HPSE2: variants seen among roughly 807,000 people sequenced by gnomAD.
HPSE2 encodes the protein heparanase 2 (inactive), also known as inactive heparanase-2.
HPSE2 carries 38 observed loss-of-function variants against 60.5 expected under a neutral mutation model. The observed-to-expected ratio is 0.63, with a 90% CI of 0.48 to 0.82. HPSE2 has a LOEUF of 0.82. HPSE2 is among the 40% of genes least tolerant of loss of function. The pLI is 0.00. For missense variants in HPSE2, 713 were observed against 740.4 expected (o/e 0.96, Z 0.43); for synonymous variants, 295 against 293.2 (o/e 1.01, Z -0.06).
At chr10:99,045,086 A>G (rs1409037209) in intron 3 of HPSE2, among the ~76,000 whole-genome samples, 1 of 152,188 alleles carries the variant, frequency 6.6e-6, no homozygotes, top group Non-Finnish European at 1.5e-5. Context: ...CACACAGAAC[A>G]TATTCTAAGA....
chr10:98,622,725 C>T (rs1490456222), intron 7 of HPSE2, among the ~76,000 whole-genome samples: 1 of 152,048 alleles, frequency 6.6e-6, no homozygotes, highest in Non-Finnish European at 1.5e-5. Context: ...TGAGAATTAA[C>T]GGTGGTGGTC....
chr10:99,167,176 A>C (rs1282906587), intron 2 of HPSE2, among the ~76,000 whole-genome samples: 1 of 151,902 alleles, frequency 6.6e-6, no homozygotes, highest in African/African-American at 2.4e-5. Context: ...ACACCTGGCT[A>C]ATTTTTGTAT....
At chr10:98,989,016 G>A (rs1230678864) in intron 3 of HPSE2, among the ~76,000 whole-genome samples, 3 of 150,550 alleles carry the variant, frequency 2.0e-5, no homozygotes, top group Non-Finnish European at 4.4e-5. Flanking sequence ...GAGAGGATGT[G>A]GAGAAATAGG....
the HPSE2 span, among the ~76,000 whole-genome samples, chr10:99,313,701 G>A: frequency 1.4e-5 from 2 of 140,272 alleles, no homozygotes; most frequent in East Asian, 4.5e-4. Flanking sequence ...CCGGGTTCAA[G>A]TGATTCTCCT....
At chr10:98,638,217 G>A (rs907180151) in intron 7 of HPSE2, among the ~76,000 whole-genome samples, 13 of 151,008 alleles carry the variant, frequency 8.6e-5, no homozygotes, top group Admixed American at 3.3e-4. Flanking sequence ...AGGCTGAGGC[G>A]GGCAGATGAC....
intron 3 of HPSE2, among the ~76,000 whole-genome samples, chr10:99,098,001 G>A (rs7476183): frequency 0.49 from 74,647 of 151,932 alleles, 20,788 homozygotes; most frequent in East Asian, 0.65. Context: ...TATACTTCCC[G>A]CTGAGGGTCT....
chr10:98,825,569 C>T (rs992236481), intron 3 of HPSE2, among the ~76,000 whole-genome samples: 4 of 138,266 alleles, frequency 2.9e-5, no homozygotes, highest in Non-Finnish European at 6.0e-5. Flanking sequence ...CCTTCTCTGA[C>T]ACACTGGTGC....
chr10:99,006,138 C>T (rs1956887339), intron 3 of HPSE2, among the ~76,000 whole-genome samples: 1 of 152,020 alleles, frequency 6.6e-6, no homozygotes. Context: ...GAGCCCAAGT[C>T]TGCAGGGGTC....
At chr10:98,769,347 T>C (rs898998897) in intron 3 of HPSE2, among the ~76,000 whole-genome samples, 14 of 151,748 alleles carry the variant, frequency 9.2e-5, no homozygotes, top group Admixed American at 9.2e-4. Context: ...GAGGTGGGAG[T>C]TGGGGGATGA....
In HPSE2 at chr10:98,938,840, G is replaced by A. The variant is rs1954895612; in HGVS notation, c.611-194784C>T. On this transcript the variant is annotated intron_variant, in intron 3 of 11. Coordinates refer to ENST00000370552, the MANE Select transcript of HPSE2 (RefSeq NM_021828.5). ...ATGTTAAGGGCAGACAGAGAGAAAGGTCAGGTTACCCACAAAGGGAAGTCC... is the reference window on the plus strand; with the variant it reads ...ATGTTAAGGGCAGACAGAGAGAAAGATCAGGTTACCCACAAAGGGAAGTCC... Among the ~76,000 whole-genome samples the A allele has an allele frequency of 3.5e-5, 5 of 143,948 alleles. No homozygotes were observed. The South Asian group carries it at 1.1e-3, about 31-fold the overall frequency. The allele number at this position is 143,948 out of a possible 152,430, so 94.4% of individuals were successfully genotyped here.
chr10:99,314,319 T>C, the HPSE2 span, among the ~76,000 whole-genome samples: 4 of 151,976 alleles, frequency 2.6e-5, no homozygotes, highest in African/African-American at 9.7e-5. Context: ...CAGGCCACCA[T>C]GCCCGGCTGA....
At chr10:99,170,890 C>G (rs2133801650) in intron 2 of HPSE2, among the ~76,000 whole-genome samples, 1 of 152,262 alleles carries the variant, frequency 6.6e-6, no homozygotes, top group South Asian at 2.1e-4. Flanking sequence ...CAGACTTTTT[C>G]TTGTCATTAT....
chr10:99,097,825 T>C (rs1843773495), intron 3 of HPSE2, among the ~76,000 whole-genome samples: 1 of 152,202 alleles, frequency 6.6e-6, no homozygotes, highest in East Asian at 1.9e-4. Context: ...AATTGAATAA[T>C]ATGTCCAAAA....
At chr10:99,129,241 C>A (rs145774273) in intron 3 of HPSE2, among the ~76,000 whole-genome samples, 1 of 152,090 alleles carries the variant, frequency 6.6e-6, no homozygotes, top group Non-Finnish European at 1.5e-5. Context: ...TACAGAAAGA[C>A]AACAAAGAAA....
intron 11 of HPSE2, among the ~76,000 whole-genome samples, chr10:98,467,545 T>C (rs112106885): frequency 4.9e-4 from 74 of 152,264 alleles, no homozygotes; most frequent in African/African-American, 1.7e-3. Flanking sequence ...TAAGTCCGAC[T>C]GTGTGTTTGT....
chr10:99,102,208 A>G (rs964286676), intron 3 of HPSE2, among the ~76,000 whole-genome samples: 1 of 152,150 alleles, frequency 6.6e-6, no homozygotes, highest in African/African-American at 2.4e-5. Context: ...TTTTTTGAAA[A>G]GATCAACAAA....
chr10:98,917,860 C>A (rs1290846990), intron 3 of HPSE2, among the ~76,000 whole-genome samples: 3 of 152,144 alleles, frequency 2.0e-5, no homozygotes, highest in Admixed American at 6.5e-5. Context: ...GATGGCAATG[C>A]CTGTAGGGAA....
intron 10 of HPSE2, among the ~76,000 whole-genome samples, chr10:98,488,359 C>T (rs574609243): frequency 1.0e-3 from 158 of 152,300 alleles, no homozygotes; most frequent in African/African-American, 3.7e-3. Flanking sequence ...CATTCATTTG[C>T]AAACCTTTCC....
At chr10:98,937,408 T>TA (rs1380879832) in intron 3 of HPSE2, among the ~76,000 whole-genome samples, 5 of 144,434 alleles carry the variant, frequency 3.5e-5, no homozygotes, top group Non-Finnish European at 7.4e-5. Context: ...CCGACAGGCT[T>TA]AAAAAACGGC....
Sources: allele counts gnomAD v4.1 joint callset (sites outside exome capture counted in the v4.1 genomes callset), GRCh38; gene constraint gnomAD v4.1.1; transcripts MANE v1.5; gene names NCBI Gene and HGNC (gene_info 2026-07-23, HGNC 2026-07-21).